NXPH1: variants seen among roughly 807,000 people sequenced by gnomAD.
The protein encoded by NXPH1 is neurexophilin-1.
A neutral mutation model predicts 23.7 loss-of-function variants in NXPH1; 5 were observed. That is an observed-to-expected ratio of 0.21 (90% CI 0.11 to 0.44). The LOEUF (loss-of-function observed/expected upper bound fraction) is 0.44, where lower values mean the gene tolerates loss of function less well. Among genes scored for constraint, NXPH1 ranks in the 20% least tolerant of loss-of-function variants. NXPH1 has a pLI of 0.99. For missense variants in NXPH1, 324 were observed against 321.6 expected, an observed-to-expected ratio of 1.01 and a Z score of -0.06; for synonymous variants, 144 against 122.2, an observed-to-expected ratio of 1.18 and a Z score of -1.18.
At chr7:8,609,266 A>G (rs1322710267) in intron 2 of NXPH1, among the ~76,000 whole-genome samples, 1 of 152,200 alleles carries the variant, frequency 6.6e-6, no homozygotes, top group East Asian at 1.9e-4. Flanking sequence ...ACCCAAAAAC[A>G]TCATTTTAGA....
At position 8,526,973 on chromosome 7, in the gene NXPH1, A is replaced by T. The variant is rs189810418; in HGVS notation, c.54+91206A>T. Among the ~76,000 whole-genome samples, 8 of 152,254 alleles carry T rather than the reference A, an allele frequency of 5.3e-5. No individual in the cohort carries two copies. In the East Asian group the frequency reaches 1.5e-3, roughly 29 times the overall value. On this transcript the variant is annotated intron_variant, in intron 2 of 2. Coordinates refer to ENST00000405863, the MANE Select transcript of NXPH1 (RefSeq NM_152745.3). Reference sequence around the variant, plus strand: ...TTTTAATTCCTGTTCTTGTAATACCAGTCAGGACCACTCTGATGATAATAT... The same window carrying T: ...TTTTAATTCCTGTTCTTGTAATACCTGTCAGGACCACTCTGATGATAATAT...
intron 2 of NXPH1, among the ~76,000 whole-genome samples, chr7:8,579,585 T>G (rs1350335191): frequency 1.3e-5 from 2 of 152,186 alleles, no homozygotes; most frequent in Non-Finnish European, 2.9e-5. Context: ...TTGGTCAGAC[T>G]GGTCTCAAAC....
rs1779962148 is a variant in NXPH1 at position 8,721,059 on chromosome 7, T to G, written c.55-29949T>G. ...AATGGGGTAACAGATGCCATTAGAA[T>G]AATGGCAATAGGTTAAATTATGGTA... On this transcript the variant is annotated intron_variant, in intron 2 of 2. Transcript: ENST00000405863. Among the ~76,000 whole-genome samples the G allele has an allele frequency of 3.9e-5, 6 of 152,192 alleles. No homozygotes were observed. The South Asian group carries it at 1.2e-3, about 32-fold the overall frequency.
chr7:8,483,990 A>G (rs956536417), intron 2 of NXPH1, among the ~76,000 whole-genome samples: 20 of 130,058 alleles, frequency 1.5e-4, no homozygotes, highest in Admixed American at 5.6e-4. Context: ...TTTAAGAAGT[A>G]GACCATAGAG....
At chr7:8,626,185 A>C (rs1402554133) in intron 2 of NXPH1, among the ~76,000 whole-genome samples, 1 of 151,222 alleles carries the variant, frequency 6.6e-6, no homozygotes, top group Non-Finnish European at 1.5e-5. Context: ...GAGGAAAGTC[A>C]ATTCTGAAAA....
chr7:8,549,098 A>C (rs1324873235), intron 2 of NXPH1, among the ~76,000 whole-genome samples: 3 of 151,566 alleles, frequency 2.0e-5, no homozygotes, highest in African/African-American at 7.3e-5. Flanking sequence ...AAATCCAGTA[A>C]GTTGGTTTCT....
At chr7:8,681,728 A>G (rs1425083415) in intron 2 of NXPH1, among the ~76,000 whole-genome samples, 1 of 152,210 alleles carries the variant, frequency 6.6e-6, no homozygotes, top group Non-Finnish European at 1.5e-5. Context: ...GTTTATGTTT[A>G]TTAGTACAGT....
intron 2 of NXPH1, among the ~76,000 whole-genome samples, chr7:8,480,534 G>A (rs73675707): frequency 0.016 from 2,444 of 152,214 alleles, 51 homozygotes; most frequent in African/African-American, 0.053. Context: ...ACATAGGCTC[G>A]TTGTCACCAG....
At chr7:8,503,386 C>T (rs1371429164) in intron 2 of NXPH1, among the ~76,000 whole-genome samples, 1 of 151,912 alleles carries the variant, frequency 6.6e-6, no homozygotes, top group Non-Finnish European at 1.5e-5. Flanking sequence ...CTCTTTGTCT[C>T]CTTCCTCACC....
At chr7:8,541,367 A>T (rs966208962) in intron 2 of NXPH1, among the ~76,000 whole-genome samples, 1 of 151,720 alleles carries the variant, frequency 6.6e-6, no homozygotes, top group Admixed American at 6.6e-5. Flanking sequence ...CCTAATATAT[A>T]TATAATTAAG....
chr7:8,521,326 CA>C (rs376648628), intron 2 of NXPH1, among the ~76,000 whole-genome samples: 20 of 152,282 alleles, frequency 1.3e-4, no homozygotes, highest in Non-Finnish European at 1.6e-4. Context: ...GGCTCATCTA[CA>C]TCCAGTTTTC....
chr7:8,583,590 G>T (rs1045227750), intron 2 of NXPH1, among the ~76,000 whole-genome samples: 3 of 152,160 alleles, frequency 2.0e-5, no homozygotes, highest in African/African-American at 7.2e-5. Context: ...TAAGAAATGT[G>T]TTACACAGCA....
intron 2 of NXPH1, among the ~76,000 whole-genome samples, chr7:8,639,298 C>T (rs1326013671): frequency 6.6e-6 from 1 of 152,042 alleles, no homozygotes; most frequent in African/African-American, 2.4e-5. Context: ...TCTATATGGG[C>T]AAATGGAGAT....
intron 2 of NXPH1, among the ~76,000 whole-genome samples, chr7:8,678,997 GAGTGC>G (rs1821008204): frequency 8.2e-6 from 1 of 121,806 alleles, no homozygotes; most frequent in Non-Finnish European, 1.6e-5. Context: ...CACCCAGGCT[GAGTGC>G]AGTGGCACGA....
At chr7:8,738,451 G>T (rs947283287) in intron 2 of NXPH1, among the ~76,000 whole-genome samples, 13 of 152,208 alleles carry the variant, frequency 8.5e-5, no homozygotes, top group African/African-American at 3.1e-4. Flanking sequence ...CACCAGAGGA[G>T]GCTGCAGAAC....
At chr7:8,457,550 T>TC (rs1245361722) in intron 2 of NXPH1, among the ~76,000 whole-genome samples, 1 of 151,370 alleles carries the variant, frequency 6.6e-6, no homozygotes, top group African/African-American at 2.4e-5. Flanking sequence ...TAGTTTTTTT[T>TC]TTTTTAATTT....
At chr7:8,602,486 G>A (rs1819383151) in intron 2 of NXPH1, among the ~76,000 whole-genome samples, 1 of 152,084 alleles carries the variant, frequency 6.6e-6, no homozygotes, top group South Asian at 2.1e-4. Context: ...TGTCTCAAAT[G>A]CCCTTTCCCC....
intron 2 of NXPH1, among the ~76,000 whole-genome samples, chr7:8,699,416 G>A (rs10266552): frequency 0.17 from 25,848 of 148,842 alleles, 3,883 homozygotes; most frequent in African/African-American, 0.4. Flanking sequence ...TGTTCTTTTT[G>A]GTGTCAATGT....
chr7:8,455,104 C>A (rs1816572267), intron 2 of NXPH1, among the ~76,000 whole-genome samples: 1 of 152,004 alleles, frequency 6.6e-6, no homozygotes, highest in Non-Finnish European at 1.5e-5. Flanking sequence ...TCAGAGGTAA[C>A]CTTGCAATCG....
Sources: gnomAD v4.1 joint callset for allele counts (sites outside exome capture counted in the v4.1 genomes callset) on GRCh38, gnomAD v4.1.1 for gene constraint, MANE v1.5 for transcripts, NCBI Gene and HGNC (gene_info 2026-07-23, HGNC 2026-07-21) for gene names.